MMP26: variants seen among roughly 807,000 people sequenced by gnomAD.
MMP26 encodes matrix metalloproteinase-26.
A neutral mutation model predicts 31.0 loss-of-function variants in MMP26; 33 were observed. That is an observed-to-expected ratio of 1.06 (90% CI 0.81 to 1.42). MMP26 has a LOEUF of 1.42. Ranked by LOEUF, MMP26 falls within the 40% of genes most tolerant of loss-of-function variation. The probability of loss-of-function intolerance (pLI) is 0.00; values close to 1 mark genes in which losing one functional copy is unlikely to be tolerated. For synonymous variants in MMP26, 122 were observed against 114.9 expected (o/e 1.06, Z -0.40); for missense variants, 347 against 316.1 (o/e 1.10, Z -0.74).
chr11:4,834,122 A>G (rs1849684754), intron 2 of MMP26, among the ~76,000 whole-genome samples: 1 of 152,160 alleles, frequency 6.6e-6, no homozygotes, highest in Non-Finnish European at 1.5e-5. Context: ...CAGAGCAGTC[A>G]TCATCTAGGC....
chr11:4,759,586 A>G (rs533373634), intron 1 of MMP26, among the ~76,000 whole-genome samples: 12 of 152,332 alleles, frequency 7.9e-5, no homozygotes, highest in African/African-American at 2.6e-4. Flanking sequence ...TAGACAGATT[A>G]AAATATTACA....
intron 1 of MMP26, among the ~76,000 whole-genome samples, chr11:4,706,577 CA>C (rs71050423): frequency 0.21 from 18,199 of 87,222 alleles, 880 homozygotes; most frequent in South Asian, 0.25. Context: ...GACCCTATCT[CA>C]AAAAAAAAAA....
rs375396380 is a variant in MMP26 at position 4,923,341 on chromosome 11, T to A, written c.-144-64727T>A. 12 of 1,518,230 alleles carry A rather than the reference T, an allele frequency of 7.9e-6. No homozygotes were observed. The African/African-American group carries it at 1.5e-4, about 19-fold the overall frequency. 94.0% of individuals were successfully genotyped at this position (1,518,230 alleles called of 1,614,324 possible). A position where few individuals can be genotyped will look rare whatever the true frequency, so the allele number is the denominator to read the frequency against. On this transcript the variant is annotated intron_variant, in intron 2 of 7. Transcript: ENST00000380390. Reference sequence around the variant, plus strand: ...TGAAAACAAACAGAAACCTGTGGGCTTTATGTCCAAAACTTCCTCTCTTTA... The same window carrying A: ...TGAAAACAAACAGAAACCTGTGGGCATTATGTCCAAAACTTCCTCTCTTTA...
rs73403017 is a variant in MMP26 at position 4,804,382 on chromosome 11, G to C, written c.-145+37041G>C. On this transcript the variant is annotated intron_variant, in intron 2 of 7. Transcript: ENST00000380390. ...GCTGTTCCCTGAAGCCAGCACCATG[G>C]ACTGGTTAATATGGTCTCTGCTGGG... 8.9e-4 allele frequency: 1,429 copies of C among 1,610,140 alleles called. 16 individuals carry two copies. The African/African-American group carries it at 0.016, about 18-fold the overall frequency.
chr11:4,987,687 G>C (rs7930074), intron 2 of MMP26, among the ~76,000 whole-genome samples: 15,648 of 152,048 alleles, frequency 0.1, 1,564 homozygotes, highest in East Asian at 0.3. Flanking sequence ...AAAGTGCTGG[G>C]ATTACAGGCG....
At chr11:4,924,462 G>A (rs575499767) in intron 2 of MMP26, 3 of 969,954 alleles carry the variant, frequency 3.1e-6, no homozygotes, top group East Asian at 5.0e-5. Flanking sequence ...TCTGCAGATG[G>A]CATAGGGGAG....
At chr11:4,929,494 G>A (rs1851317663) in intron 2 of MMP26, among the ~76,000 whole-genome samples, 2 of 152,084 alleles carry the variant, frequency 1.3e-5, no homozygotes, top group Admixed American at 1.3e-4. Flanking sequence ...ATTTTCTTCA[G>A]AACACTGTAT....
chr11:4,917,665 A>C (rs563315778), intron 2 of MMP26, among the ~76,000 whole-genome samples: 1 of 152,306 alleles, frequency 6.6e-6, no homozygotes, highest in African/African-American at 2.4e-5. Flanking sequence ...TACATATCAA[A>C]GTGAATTCAG....
chr11:4,872,921 A>T (rs1015916066), intron 2 of MMP26, among the ~76,000 whole-genome samples: 1 of 152,072 alleles, frequency 6.6e-6, no homozygotes, highest in African/African-American at 2.4e-5. Context: ...AGCTGGACAT[A>T]CGGACCCACC....
chr11:4,962,520 T>C (rs978267089), intron 2 of MMP26, among the ~76,000 whole-genome samples: 16 of 152,220 alleles, frequency 1.1e-4, no homozygotes, highest in Non-Finnish European at 2.1e-4. Flanking sequence ...TTCTCACAGA[T>C]GCCCATTGCA....
chr11:4,804,069 C>G, intron 2 of MMP26: 1 of 1,614,048 alleles, frequency 6.2e-7, no homozygotes, highest in African/African-American at 1.3e-5. Flanking sequence ...GGATGAAGAA[C>G]ACCTGGATGA....
At chr11:4,788,694 G>A (rs1848980980) in intron 2 of MMP26, among the ~76,000 whole-genome samples, 2 of 152,176 alleles carry the variant, frequency 1.3e-5, no homozygotes, top group Admixed American at 1.3e-4. Context: ...AGAGGTGCCA[G>A]TTTGGGTTTA....
chr11:4,914,896 G>T, intron 2 of MMP26: 1 of 1,614,128 alleles, frequency 6.2e-7, no homozygotes, highest in South Asian at 1.1e-5. Flanking sequence ...TGGGAGTGTA[G>T]AAGAGCAGCA....
chr11:4,908,979 G>A (rs1034797846), intron 2 of MMP26: 3 of 152,460 alleles, frequency 2.0e-5, no homozygotes, highest in African/African-American at 7.2e-5. Context: ...TAGGCAGGGA[G>A]AGAACAAGAT....
intron 2 of MMP26, among the ~76,000 whole-genome samples, chr11:4,986,905 T>TTCTCTCTCTCTCTC (rs71050445): frequency 2.7e-4 from 13 of 48,666 alleles, no homozygotes; most frequent in Non-Finnish European, 2.7e-4. Context: ...CTTCCTTCCT[T>TTCTCTCTCTCTCTC]TCTCTCTCTC....
At chr11:4,988,021 T>C (rs577720611) in intron 2 of MMP26, 47 bp from the exon 3 acceptor site, 7 of 625,460 alleles carry the variant, frequency 1.1e-5, no homozygotes, top group South Asian at 1.1e-4. Context: ...ATAAATTCCA[T>C]GGCTGCTTTT....
At chr11:4,927,045 A>G (rs1294899590) in intron 2 of MMP26, among the ~76,000 whole-genome samples, 1 of 152,160 alleles carries the variant, frequency 6.6e-6, no homozygotes, top group Non-Finnish European at 1.5e-5. Flanking sequence ...AGACTGCATG[A>G]GACACCACTG....
intron 2 of MMP26, among the ~76,000 whole-genome samples, chr11:4,895,960 C>T (rs1850695452): frequency 6.6e-6 from 1 of 152,130 alleles, no homozygotes; most frequent in African/African-American, 2.4e-5. Context: ...AAAATTTTCA[C>T]AACTTCTCCA....
Position 4,774,770 on chromosome 11 carries a change from T to A in MMP26, c.-145+7429T>A, listed in dbSNP as rs1848769336. On this transcript the variant is annotated intron_variant, in intron 2 of 7. Transcript: ENST00000380390. Reference sequence around the variant, plus strand: ...GTTTTTATAGTTTTGGGTTTTACATTTAAGTCTTTAATCCATCATGAGTTA... The same window carrying A: ...GTTTTTATAGTTTTGGGTTTTACATATAAGTCTTTAATCCATCATGAGTTA... Among the ~76,000 whole-genome samples the A allele has an allele frequency of 7.2e-5, 11 of 152,206 alleles. No individual in the cohort carries two copies. In the South Asian group the frequency reaches 2.3e-3, roughly 31 times the overall value.
Sources: gnomAD v4.1 joint callset for allele counts (sites outside exome capture counted in the v4.1 genomes callset) on GRCh38, gnomAD v4.1.1 for gene constraint, MANE v1.5 for transcripts, NCBI Gene and HGNC (gene_info 2026-07-23, HGNC 2026-07-21) for gene names.